The following CRACD variants were observed in gnomAD, a reference collection of about 807,000 sequenced individuals.
The protein encoded by CRACD is capping protein inhibiting regulator of actin dynamics.
A neutral mutation model predicts 106.8 loss-of-function variants in CRACD; 56 were observed. That is an observed-to-expected ratio of 0.52 (90% CI 0.42 to 0.66). The LOEUF is 0.66. CRACD is among the 30% of genes least tolerant of loss of function. The probability of loss-of-function intolerance (pLI) is 0.00; values close to 1 mark genes in which losing one functional copy is unlikely to be tolerated. For missense variants in CRACD, 1,730 were observed against 1,623.2 expected, an observed-to-expected ratio of 1.07 and a Z score of -1.13; for synonymous variants, 754 against 670.8, an observed-to-expected ratio of 1.12 and a Z score of -1.92.
intron 2 of CRACD, among the ~76,000 whole-genome samples, chr4:56,261,884 C>T (rs1238969136): frequency 9.9e-5 from 15 of 152,082 alleles, no homozygotes; most frequent in Non-Finnish European, 2.9e-5. Context: ...TATTTAGGTG[C>T]ATATAGTCAG....
rs73817476 is a variant in CRACD, at chr4:56,290,019, G to A, written c.-16-8195G>A. On this transcript the variant is annotated intron_variant, in intron 3 of 10. Transcript: ENST00000682029. ...TTTCTGCAGTGGCTGTTGGCTGTGT[G>A]AGGGCTGTCCCTGTCATCGCTGATA... 1.5e-3 allele frequency among the ~76,000 whole-genome samples: 233 copies of A among 152,292 alleles called. 2 individuals are homozygous for A. Among genetic ancestry groups the A allele is most frequent in the African/African-American group, 5.3e-3 (222 of 41,558 alleles).
At chr4:56,099,810 T>A (rs1005777208) in intron 1 of CRACD, among the ~76,000 whole-genome samples, 2 of 152,222 alleles carry the variant, frequency 1.3e-5, no homozygotes, top group South Asian at 2.1e-4. Flanking sequence ...CATCTCTCTG[T>A]TAGCAGACAC....
chr4:56,281,701 A>G (rs1001743830), intron 3 of CRACD, among the ~76,000 whole-genome samples: 1 of 152,226 alleles, frequency 6.6e-6, no homozygotes, highest in East Asian at 1.9e-4. Flanking sequence ...AATGACAGCT[A>G]CAGAGGTTTA....
At chr4:56,074,091 G>A (rs1314821662) in intron 1 of CRACD, among the ~76,000 whole-genome samples, 3 of 151,872 alleles carry the variant, frequency 2.0e-5, no homozygotes, top group Admixed American at 1.3e-4. Flanking sequence ...CTGTAGTCTT[G>A]TAGTATAGTT....
intron 3 of CRACD, among the ~76,000 whole-genome samples, chr4:56,275,973 G>A (rs1042753139): frequency 2.0e-5 from 3 of 152,178 alleles, no homozygotes; most frequent in African/African-American, 7.2e-5. Context: ...AAACTCCCAA[G>A]AATCTGAAAT....
chr4:56,330,208 T>TAAAC lies in CRACD; in HGVS notation c.*2410_*2413dup, dbSNP rs1746718839. Among the ~76,000 whole-genome samples, 2 of 151,638 alleles carry TAAAC rather than the reference T, an allele frequency of 1.3e-5. No homozygotes were observed. Among genetic ancestry groups the TAAAC allele is most frequent in the South Asian group, 4.2e-4 (2 of 4,806 alleles). ...ATGCAAACTTTTTTTTTTTTTTATTTAAACAAACATACACTTCTCCTGGCA... is the reference window on the plus strand; with the variant it reads ...ATGCAAACTTTTTTTTTTTTTTATTTAAACAAACAAACATACACTTCTCCTGGCA... On this transcript the variant is annotated 3_prime_UTR_variant, in exon 11 of 11. Coordinates refer to ENST00000682029, the MANE Select transcript of CRACD (RefSeq NM_001393381.1).
At chr4:56,246,914 T>C (rs1740714870) in intron 2 of CRACD, among the ~76,000 whole-genome samples, 1 of 152,214 alleles carries the variant, frequency 6.6e-6, no homozygotes, top group South Asian at 2.1e-4. Context: ...GTATTAGTGC[T>C]AGTACTGGTA....
chr4:56,309,174 A>T (rs754722293), intron 5 of CRACD: 12 of 364,328 alleles, frequency 3.3e-5, no homozygotes, highest in Non-Finnish European at 6.0e-5. Context: ...CCCTAGTGGG[A>T]GCAAGGGGAG....
intron 1 of CRACD, among the ~76,000 whole-genome samples, chr4:56,164,511 G>A (rs534771576): frequency 5.3e-5 from 8 of 152,158 alleles, no homozygotes; most frequent in Non-Finnish European, 7.4e-5. Context: ...GCAACAACAT[G>A]GAAGAATCTC....
chr4:56,121,413 G>A (rs1337223321), intron 1 of CRACD, among the ~76,000 whole-genome samples: 1 of 152,108 alleles, frequency 6.6e-6, no homozygotes, highest in African/African-American at 2.4e-5. Flanking sequence ...TTGTTTATTT[G>A]GATATGCTGT....
intron 2 of CRACD, among the ~76,000 whole-genome samples, chr4:56,210,882 T>A (rs573180998): frequency 8.2e-4 from 125 of 152,326 alleles, no homozygotes; most frequent in African/African-American, 2.9e-3. Flanking sequence ...ATGCCTGGTC[T>A]CTGCATGTAT....
intron 1 of CRACD, among the ~76,000 whole-genome samples, chr4:56,119,537 G>A (rs1327057844): frequency 2.0e-5 from 3 of 151,646 alleles, no homozygotes; most frequent in Admixed American, 2.0e-4. Flanking sequence ...GTCTCGTCAT[G>A]TTTTCCAGGC....
chr4:56,125,155 T>C (rs1415365526), intron 1 of CRACD, among the ~76,000 whole-genome samples: 3 of 152,200 alleles, frequency 2.0e-5, no homozygotes, highest in Admixed American at 2.0e-4. Context: ...ACTATCTTTG[T>C]CCCCATGTAA....
chr4:56,067,865 C>T (rs1311738848), intron 1 of CRACD, among the ~76,000 whole-genome samples: 15 of 152,144 alleles, frequency 9.9e-5, no homozygotes, highest in East Asian at 3.8e-4. Context: ...TGTGAGCCAC[C>T]GCGCCTGGCT....
intron 1 of CRACD, among the ~76,000 whole-genome samples, chr4:56,153,095 G>A (rs1246605862): frequency 6.6e-6 from 1 of 152,142 alleles, no homozygotes; most frequent in African/African-American, 2.4e-5. Flanking sequence ...CCTGGGCAAT[G>A]TGGTGAAATC....
intron 1 of CRACD, among the ~76,000 whole-genome samples, chr4:56,130,219 C>T (rs1244795919): frequency 6.6e-6 from 1 of 151,576 alleles, no homozygotes; most frequent in South Asian, 2.1e-4. Flanking sequence ...TATAGCAAGC[C>T]GTAAACTGTA....
chr4:56,316,055 G>A lies in CRACD; in HGVS notation c.2553G>A (p.Arg851=). ...KASPFGIKLR[R]TNYSLRFNCD... ...CACCGTTTGGAATAAAATTGAGAAG[G>A]ACCAACTATTCCTTGCGCTTCAACT... The change falls in exon 8 of 11, where the codon AGG becomes AGA. Residue 851 remains arginine (R), a synonymous_variant. Transcript: ENST00000682029. 1 of 1,614,168 alleles carries A rather than the reference G, an allele frequency of 6.2e-7. No individual in the cohort carries two copies. Among genetic ancestry groups the A allele is most frequent in the African/African-American group, 1.3e-5 (1 of 75,052 alleles).
chr4:56,127,439 G>A (rs1734696178), intron 1 of CRACD, among the ~76,000 whole-genome samples: 1 of 152,090 alleles, frequency 6.6e-6, no homozygotes, highest in South Asian at 2.1e-4. Context: ...TTAAGAACAA[G>A]AGTTCATAGA....
chr4:56,172,349 A>G (rs539539773), intron 1 of CRACD, among the ~76,000 whole-genome samples: 1 of 152,326 alleles, frequency 6.6e-6, no homozygotes, highest in Non-Finnish European at 1.5e-5. Flanking sequence ...GCTGGGCAGA[A>G]ATCTTCTGAG....
Sources: gnomAD v4.1 joint callset for allele counts (sites outside exome capture counted in the v4.1 genomes callset) on GRCh38, gnomAD v4.1.1 for gene constraint, MANE v1.5 for transcripts, NCBI Gene and HGNC (gene_info 2026-07-23, HGNC 2026-07-21) for gene names.